Variants in PCDHA12 observed in about 807,000 individuals in gnomAD.
PCDHA12 encodes the protein protocadherin alpha-12.
PCDHA12 carries 44 observed loss-of-function variants against 60.0 expected under a neutral mutation model. That is an observed-to-expected ratio of 0.73 (90% CI 0.58 to 0.94). PCDHA12 has a LOEUF of 0.94. Among genes scored for constraint, PCDHA12 ranks in the 40% least tolerant of loss-of-function variants. The pLI is 0.00. For missense variants in PCDHA12, 1,276 were observed against 1,239.7 expected, an observed-to-expected ratio of 1.03 and a Z score of -0.44; for synonymous variants, 569 against 553.0, an observed-to-expected ratio of 1.03 and a Z score of -0.40.
intron 1 of PCDHA12, among the ~76,000 whole-genome samples, chr5:140,924,539 C>T (rs1554201995): frequency 6.6e-6 from 1 of 152,050 alleles, no homozygotes; most frequent in African/African-American, 2.4e-5. Flanking sequence ...CCGAGCTACC[C>T]CTCTCCCCAC....
intron 1 of PCDHA12, among the ~76,000 whole-genome samples, chr5:140,898,748 G>A (rs1397892217): frequency 1.1e-4 from 16 of 152,222 alleles, no homozygotes; most frequent in African/African-American, 3.9e-4. Context: ...TAGCTTGATG[G>A]GGATGGCATT....
At position 140,876,577 on chromosome 5, in the gene PCDHA12, A is replaced by G. The variant is rs1554168681; in HGVS notation, c.1105A>G (p.Ile369Val). The G allele has an allele frequency of 1.2e-6, 2 of 1,614,182 alleles. No individual in the cohort carries two copies. Among genetic ancestry groups the G allele is most frequent in the Non-Finnish European group, 1.7e-6 (2 of 1,180,042 alleles). The change falls in exon 1 of 4, where the codon ATT (isoleucine) becomes GTT (valine). Residue 369 changes from isoleucine (I) to valine (V), a missense_variant. Coordinates refer to ENST00000398631, the MANE Select transcript of PCDHA12 (RefSeq NM_018903.4). ...VQEDAQVGTV[I>V]ALISVSDRDS... ...AGAGGATGCTCAGGTGGGTACCGTC[A>G]TTGCCCTGATTAGCGTGTCGGATCG...
chr5:140,945,041 C>T (rs2093729370), intron 1 of PCDHA12, among the ~76,000 whole-genome samples: 1 of 151,978 alleles, frequency 6.6e-6, no homozygotes, highest in African/African-American at 2.4e-5. Flanking sequence ...TATCTTTGGT[C>T]TTATATAAAG....
intron 1 of PCDHA12, among the ~76,000 whole-genome samples, chr5:140,936,730 T>C (rs2091111568): frequency 6.6e-6 from 1 of 152,258 alleles, no homozygotes; most frequent in Non-Finnish European, 1.5e-5. Flanking sequence ...GTGTTAAATA[T>C]AGTAACTTTT....
chr5:140,882,336 C>T, intron 1 of PCDHA12: 1 of 1,614,162 alleles, frequency 6.2e-7, no homozygotes, highest in Non-Finnish European at 8.5e-7. Flanking sequence ...ATCCTCGCAG[C>T]CTGGGAGACG....
intron 1 of PCDHA12, among the ~76,000 whole-genome samples, chr5:140,888,286 C>T (rs1277980750): frequency 6.6e-6 from 1 of 152,080 alleles, no homozygotes; most frequent in African/African-American, 2.4e-5. Context: ...TCCCCTCTAC[C>T]CCCTACCCAG....
chr5:140,998,569 GTT>G (rs71574497), intron 3 of PCDHA12, among the ~76,000 whole-genome samples: 14 of 149,410 alleles, frequency 9.4e-5, no homozygotes, highest in Admixed American at 6.7e-4. Flanking sequence ...TTGTAAATAA[GTT>G]TTTTTTTTTT....
intron 1 of PCDHA12, among the ~76,000 whole-genome samples, chr5:140,948,446 G>A (rs1445406552): frequency 6.6e-6 from 1 of 151,446 alleles, no homozygotes; most frequent in Non-Finnish European, 1.5e-5. Flanking sequence ...CTGTGCCAGG[G>A]ATTTTCTTTT....
intron 1 of PCDHA12, among the ~76,000 whole-genome samples, chr5:140,950,786 T>A (rs890329662): frequency 6.6e-6 from 1 of 152,140 alleles, no homozygotes; most frequent in Non-Finnish European, 1.5e-5. Context: ...TGGTACTTTT[T>A]AAATATTGTC....
At chr5:140,982,252 C>A in intron 2 of PCDHA12, 2 of 770,940 alleles carry the variant, frequency 2.6e-6, no homozygotes, top group South Asian at 2.6e-5. Flanking sequence ...AAAGATAGAA[C>A]ATGTGTGTTC....
intron 1 of PCDHA12, among the ~76,000 whole-genome samples, chr5:140,891,064 A>T (rs1442139760): frequency 6.6e-6 from 1 of 152,206 alleles, no homozygotes; most frequent in East Asian, 1.9e-4. Flanking sequence ...AGTAAATATT[A>T]TTCCAGTGTC....
chr5:140,967,052 A>C (rs1554229118), intron 1 of PCDHA12: 1 of 1,612,532 alleles, frequency 6.2e-7, no homozygotes, highest in Non-Finnish European at 8.5e-7. Context: ...GGACCTGACG[A>C]GTGGAGCGCT....
At chr5:141,003,178 A>C (rs2098114996) in intron 3 of PCDHA12, among the ~76,000 whole-genome samples, 1 of 152,180 alleles carries the variant, frequency 6.6e-6, no homozygotes, top group East Asian at 1.9e-4. Context: ...CTGAGGCTCA[A>C]CTCCATCAAC....
chr5:140,891,742 A>T (rs2063228656), intron 1 of PCDHA12, among the ~76,000 whole-genome samples: 1 of 152,150 alleles, frequency 6.6e-6, no homozygotes, highest in African/African-American at 2.4e-5. Context: ...TCAATCCCTT[A>T]TACAACAGTG....
chr5:140,876,728 C>T lies in PCDHA12; in HGVS notation c.1256C>T (p.Ser419Leu), dbSNP rs200398819. ...AGCGCCCTGGACCGCGAGAGCGTGTCGGCCTATGAGCTGGTGGTGACTGCG... is the reference window on the plus strand; with the variant it reads ...AGCGCCCTGGACCGCGAGAGCGTGTTGGCCTATGAGCTGGTGGTGACTGCG... ...LDSALDRESV[S>L]AYELVVTARD... Residue 419 changes from serine (S) to leucine (L), a missense_variant, in exon 1 of 4, where the codon TCG becomes TTG. Transcript: ENST00000398631. 6.8e-6 allele frequency: 11 copies of T among 1,614,128 alleles called. No homozygotes were observed. The highest frequency in any genetic ancestry group is 1.3e-5 in the African/African-American group (1 of 74,950).
At chr5:140,975,363 G>T (rs1348174294) in intron 1 of PCDHA12, among the ~76,000 whole-genome samples, 3 of 152,220 alleles carry the variant, frequency 2.0e-5, no homozygotes, top group Non-Finnish European at 2.9e-5. Context: ...GTGCTACATA[G>T]CATAATGTAA....
At chr5:140,934,029 T>A (rs1267400545) in intron 1 of PCDHA12, among the ~76,000 whole-genome samples, 1 of 152,114 alleles carries the variant, frequency 6.6e-6, no homozygotes, top group Admixed American at 6.5e-5. Flanking sequence ...GGAAGTAGTT[T>A]ATTAATGATA....
rs2056572417 is a variant in PCDHA12 at position 140,876,768 on chromosome 5, G to A, written c.1296G>A (p.Ser432=). Residue 432 remains serine, a synonymous_variant, in exon 1 of 4, where the codon TCG becomes TCA. Transcript: ENST00000398631. ...ELVVTARDGG[S]PSLWATARVS... Reference sequence around the variant, plus strand: ...TGGTGACTGCGCGGGATGGGGGCTCGCCTTCGCTGTGGGCCACGGCTAGAG... The same window carrying A: ...TGGTGACTGCGCGGGATGGGGGCTCACCTTCGCTGTGGGCCACGGCTAGAG... The A allele has an allele frequency of 1.9e-6, 3 of 1,614,212 alleles. No homozygotes were observed. Among genetic ancestry groups the A allele is most frequent in the Non-Finnish European group, 2.5e-6 (3 of 1,180,042 alleles).
chr5:140,965,690 T>G (rs1203632136), intron 1 of PCDHA12, among the ~76,000 whole-genome samples: 2 of 152,172 alleles, frequency 1.3e-5, no homozygotes, highest in Admixed American at 1.3e-4. Context: ...TGAAGCAAGA[T>G]TAGAAAAAGC....
Sources: gnomAD v4.1 joint callset for allele counts (sites outside exome capture counted in the v4.1 genomes callset) on GRCh38, gnomAD v4.1.1 for gene constraint, MANE v1.5 for transcripts, NCBI Gene and HGNC (gene_info 2026-07-23, HGNC 2026-07-21) for gene names.